OIT3: variants seen among roughly 807,000 people sequenced by gnomAD.
OIT3 encodes oncoprotein induced transcript 3.
A neutral mutation model predicts 52.2 loss-of-function variants in OIT3; 41 were observed. The ratio of observed to expected loss-of-function variants is 0.79; its 90% CI spans 0.61 to 1.02. The LOEUF is 1.02. OIT3 is among the 50% of genes least tolerant of loss of function. OIT3 has a pLI of 0.00. For missense variants in OIT3, 634 were observed against 715.5 expected, an observed-to-expected ratio of 0.89 and a Z score of 1.30; for synonymous variants, 244 against 276.9, an observed-to-expected ratio of 0.88 and a Z score of 1.18.
intron 6 of OIT3, chr10:72,913,773 C>T: frequency 2.2e-6 from 1 of 459,198 alleles, no homozygotes; most frequent in Non-Finnish European, 4.2e-6. Context: ...CCTCTCTGAC[C>T]AATTATTTTA....
intron 4 of OIT3, among the ~76,000 whole-genome samples, chr10:72,910,393 C>A (rs934806387): frequency 1.3e-5 from 2 of 152,058 alleles, no homozygotes; most frequent in Admixed American, 1.3e-4. Flanking sequence ...CGGTGGCTCA[C>A]GCCTGTAATC....
chr10:72,893,739 G>A lies in OIT3; in HGVS notation c.-60G>A. The A allele has an allele frequency of 6.9e-7, 1 of 1,455,096 alleles. No homozygotes were observed. The highest frequency in any genetic ancestry group is 1.3e-5 in the South Asian group (1 of 79,324). The allele number at this position is 1,455,096 out of a possible 1,614,324, so 90.1% of individuals were successfully genotyped here. A position where few individuals can be genotyped will look rare whatever the true frequency, so the allele number is the denominator to read the frequency against. ...AAAAAAAGTGCTTGAAAGAGAAGGG[G>A]ACAAAGGAACACCAGTATTAAGAGG... On this transcript the variant is annotated 5_prime_UTR_variant, in exon 1 of 9. Transcript: ENST00000334011.
chr10:72,918,316 C>A, intron 6 of OIT3: 3 of 771,980 alleles, frequency 3.9e-6, no homozygotes, highest in Non-Finnish European at 7.0e-6. Flanking sequence ...GCCAGTGTGA[C>A]TTTAATTGGA....
At chr10:72,911,689 T>C (rs560704828) in intron 4 of OIT3, 28 bp from the exon 5 acceptor site, 1 of 1,607,752 alleles carries the variant, frequency 6.2e-7, no homozygotes, top group South Asian at 1.1e-5. Context: ...TACGAGATTA[T>C]TCCCTTTTCT....
In OIT3 at chr10:72,905,206, C is replaced by T. The variant is rs1028385980; in HGVS notation, c.545-1390C>T. On this transcript the variant is annotated intron_variant, in intron 3 of 8. Transcript: ENST00000334011. Reference sequence around the variant, plus strand: ...CAATATGAGGCCAGGCACTGAGGCTCATGCCAGTAATCCCAGCACTTTGGG... The same window carrying T: ...CAATATGAGGCCAGGCACTGAGGCTTATGCCAGTAATCCCAGCACTTTGGG... Among the ~76,000 whole-genome samples the T allele has an allele frequency of 3.9e-5, 6 of 152,332 alleles. No individual in the cohort carries two copies. The East Asian group carries it at 5.8e-4, about 15-fold the overall frequency.
At chr10:72,907,784 T>C (rs1320223660) in intron 4 of OIT3, among the ~76,000 whole-genome samples, 1 of 152,210 alleles carries the variant, frequency 6.6e-6, no homozygotes, top group African/African-American at 2.4e-5. Context: ...CTATTTTTAA[T>C]AGCAGACATT....
chr10:72,931,756 T>G (rs552443589), intron 8 of OIT3, among the ~76,000 whole-genome samples: 1 of 152,374 alleles, frequency 6.6e-6, no homozygotes, highest in South Asian at 2.1e-4. Context: ...TTATCATTGT[T>G]GTTAGAGTGT....
In OIT3 at chr10:72,906,572, AAC is replaced by A. The variant is rs759138095; in HGVS notation, c.545-22_545-21del. 3 of 1,613,576 alleles carry A rather than the reference AAC, an allele frequency of 1.9e-6. No individual in the cohort carries two copies. In the African/African-American group the frequency reaches 4.0e-5, roughly 22 times the overall value. On this transcript the variant is annotated intron_variant, in intron 3 of 8. Transcript: ENST00000334011. ...AGGCTGAATCACTCAGCAGTATAGA[AAC>A]AGTGTGGTTTCTCTTCTGCAGATGA...
intron 1 of OIT3, among the ~76,000 whole-genome samples, chr10:72,896,808 T>C (rs946380095): frequency 6.6e-6 from 1 of 152,174 alleles, no homozygotes; most frequent in African/African-American, 2.4e-5. Context: ...ATGATATCAG[T>C]TACGTAAGTC....
At chr10:72,907,319 C>A (rs778557298) in intron 4 of OIT3, among the ~76,000 whole-genome samples, 1 of 151,914 alleles carries the variant, frequency 6.6e-6, no homozygotes, top group Non-Finnish European at 1.5e-5. Context: ...CTTTAATGTG[C>A]CCACGAATCA....
rs150387319 is a variant in OIT3 at position 72,898,800 on chromosome 10, G to A, written c.198G>A (p.Ala66=). The A allele has an allele frequency of 2.7e-4, 443 of 1,613,876 alleles. 3 individuals carry two copies. The highest frequency in any genetic ancestry group is 2.0e-4 in the Non-Finnish European group (241 of 1,179,906). Residue 66 remains alanine (A), a synonymous_variant, in exon 2 of 9, where the codon GCG becomes GCA. Transcript: ENST00000334011. Reference sequence around the variant, plus strand: ...AGTGGTACCACTTCACGGGCATGGCGGGAGATGCCATGCCTACCTTCTGCA... The same window carrying A: ...AGTGGTACCACTTCACGGGCATGGCAGGAGATGCCATGCCTACCTTCTGCA... The part of the protein sequence containing the change: ...NGEWYHFTGM[A]GDAMPTFCIP...
Position 72,898,990 on chromosome 10 carries a change from G to A in OIT3, c.388G>A (p.Val130Met), listed in dbSNP as rs749155163. ...EVKACPGGYYVYRLTKPSVCF... is the reference protein window; with the variant it reads ...EVKACPGGYYMYRLTKPSVCF... ...CAAGGCTTGCCCTGGAGGCTACTAT[G>A]TGTATCGTCTGACCAAGCCCAGCGT... is the stretch of plus-strand genomic sequence containing the variant. Residue 130 changes from valine (V) to methionine (M), a missense_variant, in exon 2 of 9, where the codon GTG becomes ATG. Physicochemically the swap from Val to Met is conservative, Grantham distance 21. Transcript: ENST00000334011. 2.5e-6 allele frequency: 4 copies of A among 1,614,028 alleles called. No individual in the cohort carries two copies. Among genetic ancestry groups the A allele is most frequent in the East Asian group, 2.2e-5 (1 of 44,876 alleles).
intron 1 of OIT3, among the ~76,000 whole-genome samples, chr10:72,895,720 TC>T (rs915789375): frequency 1.4e-4 from 21 of 152,238 alleles, no homozygotes; most frequent in African/African-American, 4.8e-4. Flanking sequence ...CAGACATGGT[TC>T]CCTGCCCTTG....
At chr10:72,919,580 G>A (rs1846104568) in intron 6 of OIT3, among the ~76,000 whole-genome samples, 1 of 152,064 alleles carries the variant, frequency 6.6e-6, no homozygotes. Context: ...TGTTGGCTAT[G>A]GGTTTGTCAT....
At chr10:72,925,701 C>A (rs1312081515) in intron 7 of OIT3, among the ~76,000 whole-genome samples, 1 of 152,240 alleles carries the variant, frequency 6.6e-6, no homozygotes, top group East Asian at 1.9e-4. Flanking sequence ...CAACCTTGAT[C>A]CTCAGGCTCA....
rs145701719 is a variant in OIT3, at chr10:72,915,451, T to C, written c.951+1983T>C. On this transcript the variant is annotated intron_variant, in intron 6 of 8. Coordinates refer to ENST00000334011, the MANE Select transcript of OIT3 (RefSeq NM_152635.3). Reference sequence around the variant, plus strand: ...TAGGGGAAACACTGGGTTAGGTTCCTGTAATCCTCTGGTTGCAACATTTTT... The same window carrying C: ...TAGGGGAAACACTGGGTTAGGTTCCCGTAATCCTCTGGTTGCAACATTTTT... Among the ~76,000 whole-genome samples the C allele has an allele frequency of 6.0e-4, 92 of 152,346 alleles. 1 individual carries two copies. Among genetic ancestry groups the C allele is most frequent in the Non-Finnish European group, 1.1e-3 (73 of 68,028 alleles).
At chr10:72,921,954 G>A (rs762418113) in intron 6 of OIT3, among the ~76,000 whole-genome samples, 1 of 152,108 alleles carries the variant, frequency 6.6e-6, no homozygotes, top group South Asian at 2.1e-4. Flanking sequence ...CTACAGGTGT[G>A]AGCCACTGCA....
rs1197103617 is a variant in OIT3, at chr10:72,918,576, A to T, written c.951+5108A>T. On this transcript the variant is annotated intron_variant, in intron 6 of 8. Coordinates refer to ENST00000334011, the MANE Select transcript of OIT3 (RefSeq NM_152635.3). ...CTTAGGTGGGAGAGAAGGCGGATGG[A>T]GATAAACCACCACTGCTCAAGAGAA... 7.9e-6 allele frequency: 7 copies of T among 889,276 alleles called. No individual in the cohort carries two copies. The Middle Eastern group carries it at 1.3e-3, about 164-fold the overall frequency. The allele number at this position is 889,276 out of a possible 1,614,324, so 55.1% of individuals were successfully genotyped here.
At chr10:72,928,640 C>G (rs879564212) in intron 7 of OIT3, among the ~76,000 whole-genome samples, 6 of 152,108 alleles carry the variant, frequency 3.9e-5, no homozygotes, top group African/African-American at 1.4e-4. Flanking sequence ...TTTATGTCCT[C>G]TGCAGCAACC....
Sources: allele counts gnomAD v4.1 joint callset (sites outside exome capture counted in the v4.1 genomes callset), GRCh38; gene constraint gnomAD v4.1.1; transcripts MANE v1.5; gene names NCBI Gene and HGNC (gene_info 2026-07-23, HGNC 2026-07-21).